Variants in SPATS2 observed in about 807,000 individuals in gnomAD.
SPATS2 encodes the protein spermatogenesis associated serine rich 2, also known as spermatogenesis-associated serine-rich protein 2.
SPATS2 carries 38 observed loss-of-function variants against 63.7 expected under a neutral mutation model. The ratio of observed to expected loss-of-function variants is 0.60; its 90% CI spans 0.46 to 0.78. The LOEUF is 0.78. Among genes scored for constraint, SPATS2 ranks in the 30% least tolerant of loss-of-function variants. The pLI is 0.00. For synonymous variants in SPATS2, 207 were observed against 232.9 expected, an observed-to-expected ratio of 0.89 and a Z score of 1.01; for missense variants, 588 against 666.2, an observed-to-expected ratio of 0.88 and a Z score of 1.29.
chr12:49,506,634 T>A (rs1212403384), intron 9 of SPATS2, among the ~76,000 whole-genome samples: 1 of 151,840 alleles, frequency 6.6e-6, no homozygotes, highest in Non-Finnish European at 1.5e-5. Flanking sequence ...ATTACTTGAG[T>A]CCAGGAGTTC....
chr12:49,504,512 A>G (rs562645230), intron 9 of SPATS2, among the ~76,000 whole-genome samples: 16 of 152,300 alleles, frequency 1.1e-4, no homozygotes, highest in African/African-American at 2.9e-4. Flanking sequence ...AGATTGTCCT[A>G]TAATGTGTTG....
chr12:49,410,117 C>T (rs567154645), intron 2 of SPATS2, among the ~76,000 whole-genome samples: 1 of 152,046 alleles, frequency 6.6e-6, no homozygotes, highest in South Asian at 2.1e-4. Flanking sequence ...GCTCTGTCGC[C>T]CAGGCTGGAG....
intron 2 of SPATS2, among the ~76,000 whole-genome samples, chr12:49,385,479 A>C (rs1944299177): frequency 6.6e-6 from 1 of 151,888 alleles, no homozygotes; most frequent in Admixed American, 6.6e-5. Context: ...AGATCTAAAA[A>C]TTGTCTTTGA....
chr12:49,395,831 A>G lies in SPATS2; in HGVS notation c.-244+24541A>G, dbSNP rs574861597. Among the ~76,000 whole-genome samples the G allele has an allele frequency of 2.8e-3, 425 of 152,362 alleles. 8 individuals carry two copies. The highest frequency in any genetic ancestry group is 0.027 in the Admixed American group (407 of 15,304). Reference sequence around the variant, plus strand: ...ATACTGTAATATTAACTATAGGGACAGTGTTTTACAGCAGACCTGTAGAAC... The same window carrying G: ...ATACTGTAATATTAACTATAGGGACGGTGTTTTACAGCAGACCTGTAGAAC... On this transcript the variant is annotated intron_variant, in intron 2 of 13. Transcript: ENST00000552918.
At chr12:49,398,135 CAAAAAAAAAAAA>C (rs71080193) in intron 2 of SPATS2, among the ~76,000 whole-genome samples, 9 of 45,394 alleles carry the variant, frequency 2.0e-4, no homozygotes, top group Admixed American at 3.1e-4. Context: ...GACCCTGTCT[CAAAAAAAAAAAA>C]AAAAAAAAAA....
chr12:49,398,726 C>T (rs187399300), intron 2 of SPATS2, among the ~76,000 whole-genome samples: 1 of 152,262 alleles, frequency 6.6e-6, no homozygotes. Context: ...CCCTCACACA[C>T]TTAATCCTTT....
chr12:49,420,564 C>T (rs538935570), intron 2 of SPATS2, among the ~76,000 whole-genome samples: 27 of 151,968 alleles, frequency 1.8e-4, no homozygotes, highest in African/African-American at 6.0e-4. Flanking sequence ...GCCTGGGTGA[C>T]GGGGCAAGAC....
intron 2 of SPATS2, among the ~76,000 whole-genome samples, chr12:49,412,764 AT>A (rs1455591906): frequency 6.7e-6 from 1 of 149,214 alleles, no homozygotes; most frequent in African/African-American, 2.5e-5. Context: ...AAAAAAAAAA[AT>A]TCAAATAGTG....
chr12:49,371,566 T>G (rs1350004971), intron 2 of SPATS2, among the ~76,000 whole-genome samples: 1 of 152,232 alleles, frequency 6.6e-6, no homozygotes, highest in African/African-American at 2.4e-5. Flanking sequence ...CATTCTCATA[T>G]TGCTGTAAAG....
chr12:49,484,825 T>C (rs1173797833), intron 4 of SPATS2, among the ~76,000 whole-genome samples, 156 bp downstream of exon 4: 3 of 152,206 alleles, frequency 2.0e-5, no homozygotes, highest in African/African-American at 7.2e-5. Flanking sequence ...AAATAGGTTC[T>C]GATTGCGCAG....
intron 3 of SPATS2, among the ~76,000 whole-genome samples, chr12:49,476,917 C>T (rs1179458681): frequency 6.6e-6 from 1 of 152,076 alleles, no homozygotes; most frequent in East Asian, 1.9e-4. Flanking sequence ...ACCAGCCTGA[C>T]CAACATGGAG....
intron 2 of SPATS2, among the ~76,000 whole-genome samples, chr12:49,459,396 T>C (rs1044638516): frequency 6.6e-6 from 1 of 152,094 alleles, no homozygotes; most frequent in Non-Finnish European, 1.5e-5. Flanking sequence ...TTGCCCAGGC[T>C]GGAGTGCAAT....
intron 2 of SPATS2, among the ~76,000 whole-genome samples, chr12:49,453,856 C>CTTTTT (rs869155580): frequency 0.012 from 945 of 76,152 alleles, 88 homozygotes; most frequent in African/African-American, 0.038. Context: ...AAATAGCATT[C>CTTTTT]TTTTTTTTTT....
chr12:49,500,334 G>A, intron 9 of SPATS2, 129 bp downstream of exon 9: 1 of 1,061,328 alleles, frequency 9.4e-7, no homozygotes, highest in Non-Finnish European at 1.3e-6. Flanking sequence ...TAAATCCTAT[G>A]GTATATTTAG....
intron 10 of SPATS2, among the ~76,000 whole-genome samples, 156 bp from the exon 11 acceptor site, chr12:49,518,917 G>A (rs1946892856): frequency 6.6e-6 from 1 of 152,186 alleles, no homozygotes; most frequent in African/African-American, 2.4e-5. Context: ...AGACCCAATG[G>A]AAGGTAGAGA....
intron 2 of SPATS2, among the ~76,000 whole-genome samples, chr12:49,420,373 C>T (rs1055793363): frequency 6.6e-6 from 1 of 152,154 alleles, no homozygotes; most frequent in African/African-American, 2.4e-5. Flanking sequence ...GCCAGCAGAC[C>T]ACCTGAGGTG....
At chr12:49,444,658 C>T (rs1371963109) in intron 2 of SPATS2, among the ~76,000 whole-genome samples, 2 of 152,126 alleles carry the variant, frequency 1.3e-5, no homozygotes, top group Admixed American at 6.5e-5. Context: ...GGCTGGAGTG[C>T]AATGGTGTGA....
intron 2 of SPATS2, among the ~76,000 whole-genome samples, chr12:49,415,957 G>T (rs986591011): frequency 6.6e-6 from 1 of 151,122 alleles, no homozygotes; most frequent in Non-Finnish European, 1.5e-5. Flanking sequence ...GCAGGCCTTG[G>T]CTTACACTCT....
chr12:49,380,749 G>A (rs1209865779), intron 2 of SPATS2, among the ~76,000 whole-genome samples: 6 of 151,858 alleles, frequency 4.0e-5, no homozygotes, highest in African/African-American at 1.5e-4. Flanking sequence ...ATGGTTAGTT[G>A]TGTCTTTTCC....
Sources: gnomAD v4.1 joint callset for allele counts (sites outside exome capture counted in the v4.1 genomes callset) on GRCh38, gnomAD v4.1.1 for gene constraint, MANE v1.5 for transcripts, NCBI Gene and HGNC (gene_info 2026-07-23, HGNC 2026-07-21) for gene names.